Variants in P2RY12 observed in about 807,000 individuals in gnomAD.
P2RY12 encodes the protein P2Y purinoceptor 12.
In P2RY12, 3 loss-of-function variants were observed where a neutral mutation model predicts 4.5. The observed-to-expected ratio is 0.67, with a 90% CI of 0.31 to 1.74. The LOEUF (loss-of-function observed/expected upper bound fraction) is 1.74, where lower values mean the gene tolerates loss of function less well. P2RY12 is among the 40% of genes most tolerant of loss of function. The pLI is 0.09. For synonymous variants in P2RY12, 148 were observed against 154.1 expected, an observed-to-expected ratio of 0.96 and a Z score of 0.29; for missense variants, 356 against 407.8, an observed-to-expected ratio of 0.87 and a Z score of 1.09.
chr3:151,342,503 CTGAG>C (rs1225933749), intron 1 of P2RY12, among the ~76,000 whole-genome samples: 1 of 152,212 alleles, frequency 6.6e-6, no homozygotes, highest in Non-Finnish European at 1.5e-5. Flanking sequence ...ACCAATCTAG[CTGAG>C]TGAATAAAAA....
intron 1 of P2RY12, among the ~76,000 whole-genome samples, chr3:151,341,577 T>TTA (rs1751825786): frequency 6.6e-6 from 1 of 150,984 alleles, no homozygotes; most frequent in African/African-American, 2.5e-5. Context: ...TTTTTTTTTT[T>TTA]AATTTTATTA....
chr3:151,356,491 T>A (rs1354781485), intron 1 of P2RY12, among the ~76,000 whole-genome samples: 1 of 152,232 alleles, frequency 6.6e-6, no homozygotes, highest in Non-Finnish European at 1.5e-5. Context: ...TTGAATAATT[T>A]AGACATTGTG....
chr3:151,339,663 G>T (rs1261426124), intron 2 of P2RY12, among the ~76,000 whole-genome samples: 1 of 151,810 alleles, frequency 6.6e-6, no homozygotes, highest in African/African-American at 2.4e-5. Context: ...ATAAGAGTCA[G>T]AAATGGCCTG....
chr3:151,372,439 C>A, intron 1 of P2RY12: 1 of 671,012 alleles, frequency 1.5e-6, no homozygotes, highest in Non-Finnish European at 2.6e-6. Context: ...TATTCCTGAA[C>A]AACTGGCTAT....
intron 1 of P2RY12, among the ~76,000 whole-genome samples, chr3:151,370,231 G>A (rs62285878): frequency 0.056 from 8,543 of 152,058 alleles, 325 homozygotes; most frequent in East Asian, 0.1. Flanking sequence ...AAATCTTAAA[G>A]GCTTTGAATG....
chr3:151,355,997 G>C, intron 1 of P2RY12: 2 of 1,613,900 alleles, frequency 1.2e-6, no homozygotes, highest in East Asian at 2.2e-5. Context: ...ATCTCATGGA[G>C]CCAGCACTGA....
intron 1 of P2RY12, chr3:151,368,066 C>A: frequency 1.8e-6 from 2 of 1,108,494 alleles, no homozygotes; most frequent in Non-Finnish European, 2.6e-6. Flanking sequence ...ATAATTATTC[C>A]AGGAAATTTA....
intron 1 of P2RY12, among the ~76,000 whole-genome samples, chr3:151,341,759 A>G (rs1190024207): frequency 4.8e-5 from 7 of 144,812 alleles, no homozygotes; most frequent in Non-Finnish European, 7.5e-5. Flanking sequence ...CCCAGAGTGT[A>G]GTGTTTCCCT....
chr3:151,343,493 C>G (rs1320205258), intron 1 of P2RY12, among the ~76,000 whole-genome samples: 1 of 152,136 alleles, frequency 6.6e-6, no homozygotes. Flanking sequence ...AGGAAGACTG[C>G]CAGTTAGACC....
At chr3:151,374,392 A>G (rs985369756) in intron 1 of P2RY12, among the ~76,000 whole-genome samples, 2 of 152,142 alleles carry the variant, frequency 1.3e-5, no homozygotes, top group African/African-American at 4.8e-5. Flanking sequence ...TACTAAAAAT[A>G]CAAAAATTAG....
intron 1 of P2RY12, among the ~76,000 whole-genome samples, chr3:151,372,386 A>G (rs1256655077): frequency 6.6e-6 from 1 of 152,088 alleles, no homozygotes; most frequent in Admixed American, 6.5e-5. Flanking sequence ...TCTGTTAGAA[A>G]CTTCTCTGGG....
At chr3:151,348,746 C>G (rs1487817123) in intron 1 of P2RY12, among the ~76,000 whole-genome samples, 1 of 151,984 alleles carries the variant, frequency 6.6e-6, no homozygotes, top group Non-Finnish European at 1.5e-5. Flanking sequence ...AAAGACAGAC[C>G]GACACAAAGA....
intron 1 of P2RY12, among the ~76,000 whole-genome samples, chr3:151,349,782 A>AT (rs1235105159): frequency 5.3e-5 from 8 of 152,168 alleles, no homozygotes; most frequent in Non-Finnish European, 8.8e-5. Flanking sequence ...AAGTTTTTCA[A>AT]TAGCCAAAAC....
At chr3:151,367,754 C>T (rs765946174) in intron 1 of P2RY12, 1 of 1,607,900 alleles carries the variant, frequency 6.2e-7, no homozygotes, top group Non-Finnish European at 8.5e-7. Flanking sequence ...ACTTCCCTCT[C>T]TTCTAGCAGC....
At chr3:151,368,643 TCA>T (rs1240464224) in intron 1 of P2RY12, among the ~76,000 whole-genome samples, 87 of 62,660 alleles carry the variant, frequency 1.4e-3, no homozygotes, top group African/African-American at 3.9e-3. Context: ...TCATTTCATT[TCA>T]TTTCATTTCA....
At position 151,338,319 on chromosome 3, in the gene P2RY12, G is replaced by A; in HGVS notation, c.527C>T (p.Ser176Phe). 6.2e-7 allele frequency: 1 copy of A among 1,614,090 alleles called. No homozygotes were observed. The change falls in exon 3 of 3, where the codon TCT becomes TTT. Residue 176 changes from serine to phenylalanine, a missense_variant. Coordinates refer to ENST00000302632, the MANE Select transcript of P2RY12 (RefSeq NM_022788.5). ...QPRDKNVKKC[S>F]FLKSEFGLVW... Reference sequence around the variant, plus strand: ...TAGACCGAACTCTGATTTAAGGAAAGAGCATTTCTTCACATTCTTGTCTCT... The same window carrying A: ...TAGACCGAACTCTGATTTAAGGAAAAAGCATTTCTTCACATTCTTGTCTCT...
chr3:151,347,770 C>G (rs773927278), intron 1 of P2RY12, among the ~76,000 whole-genome samples: 3 of 152,130 alleles, frequency 2.0e-5, no homozygotes, highest in Admixed American at 1.3e-4. Context: ...GCATTTTACA[C>G]GCTTTATCCC....
chr3:151,381,501 A>G (rs1712336288), intron 1 of P2RY12, among the ~76,000 whole-genome samples: 1 of 152,120 alleles, frequency 6.6e-6, no homozygotes, highest in African/African-American at 2.4e-5. Flanking sequence ...CTGTTCTTGA[A>G]CTTGCTGAGC....
chr3:151,377,107 C>G (rs1426078123), intron 1 of P2RY12: 1 of 1,614,074 alleles, frequency 6.2e-7, no homozygotes, highest in Non-Finnish European at 8.5e-7. Context: ...GCATGAGCCT[C>G]TTCAACCCAA....
Sources: allele counts gnomAD v4.1 joint callset (sites outside exome capture counted in the v4.1 genomes callset), GRCh38; gene constraint gnomAD v4.1.1; transcripts MANE v1.5; gene names NCBI Gene and HGNC (gene_info 2026-07-23, HGNC 2026-07-21).